Variants in DRC11 observed in about 807,000 individuals in gnomAD.
DRC11 encodes dynein regulatory complex subunit 11, also known as IQ and AAA domain-containing protein 1.
the DRC11 span, among the ~76,000 whole-genome samples, chr2:236,390,855 C>T: frequency 6.6e-6 from 1 of 152,162 alleles, no homozygotes; most frequent in East Asian, 1.9e-4. The surrounding 1 kb of genome is among the most constrained non-coding windows in gnomAD (Gnocchi z 5.9). Flanking sequence ...TACTGGGTTT[C>T]ACTGGCCTGG....
chr2:236,434,497 G>A, the DRC11 span, among the ~76,000 whole-genome samples: 5 of 152,130 alleles, frequency 3.3e-5, no homozygotes, highest in African/African-American at 9.7e-5. This position sits in a 1 kb window ranked among gnomAD's most constrained non-coding sequence, Gnocchi z 5.5. Context: ...TTACCTCAGT[G>A]CAGGGAGGTA....
the DRC11 span, among the ~76,000 whole-genome samples, chr2:236,366,479 T>C: frequency 6.6e-6 from 1 of 152,190 alleles, no homozygotes. Flanking sequence ...GCCTAACGTT[T>C]CTATGCATTC....
the DRC11 span, among the ~76,000 whole-genome samples, chr2:236,429,862 A>AG: frequency 6.6e-6 from 1 of 152,118 alleles, no homozygotes; most frequent in Non-Finnish European, 1.5e-5. The surrounding 1 kb of genome is among the most constrained non-coding windows in gnomAD (Gnocchi z 5.9). Context: ...TGAAAGCTGA[A>AG]GGGGGTCCCC....
chr2:236,350,192 C>T, the DRC11 span, among the ~76,000 whole-genome samples: 5 of 152,192 alleles, frequency 3.3e-5, no homozygotes, highest in African/African-American at 9.7e-5. This position sits in a 1 kb window ranked among gnomAD's most constrained non-coding sequence, Gnocchi z 5.2. Flanking sequence ...GTTTTGAAAA[C>T]GGCGGCTCCA....
At chr2:236,461,541 A>C in the DRC11 span, among the ~76,000 whole-genome samples, 1 of 152,326 alleles carries the variant, frequency 6.6e-6, no homozygotes, top group African/African-American at 2.4e-5. The surrounding 1 kb of genome is among the most constrained non-coding windows in gnomAD (Gnocchi z 4.0). Flanking sequence ...TTATTCATGA[A>C]ATTTATATAC....
the DRC11 span, among the ~76,000 whole-genome samples, chr2:236,318,165 G>C: frequency 6.6e-6 from 1 of 150,936 alleles, no homozygotes; most frequent in Non-Finnish European, 1.5e-5. This position sits in a 1 kb window ranked among gnomAD's most constrained non-coding sequence, Gnocchi z 7.0. Context: ...GCTGGGAGCT[G>C]GGTGTCTGCG....
chr2:236,371,051 C>T, the DRC11 span, among the ~76,000 whole-genome samples: 4 of 152,184 alleles, frequency 2.6e-5, no homozygotes, highest in Non-Finnish European at 4.4e-5. This position sits in a 1 kb window ranked among gnomAD's most constrained non-coding sequence, Gnocchi z 5.1. Context: ...CGGCTGAGCA[C>T]GCTGGATCTG....
chr2:236,488,892 C>T, the DRC11 span, among the ~76,000 whole-genome samples: 1 of 152,090 alleles, frequency 6.6e-6, no homozygotes, highest in Admixed American at 6.6e-5. Flanking sequence ...ACAAAGGGCT[C>T]CGGGTGCATG....
chr2:236,309,573 G>C, the DRC11 span, among the ~76,000 whole-genome samples: 1 of 152,160 alleles, frequency 6.6e-6, no homozygotes, highest in East Asian at 1.9e-4. This position sits in a 1 kb window ranked among gnomAD's most constrained non-coding sequence, Gnocchi z 5.7. Flanking sequence ...TTACTTACTG[G>C]AAATGGCGAA....
At chr2:236,335,918 C>T in the DRC11 span, among the ~76,000 whole-genome samples, 17 of 151,138 alleles carry the variant, frequency 1.1e-4, no homozygotes, top group Admixed American at 3.3e-4. The surrounding 1 kb of genome is among the most constrained non-coding windows in gnomAD (Gnocchi z 5.6). Flanking sequence ...GCGCTGCCCC[C>T]TTCATCCATG....
chr2:236,326,776 T>C, the DRC11 span, among the ~76,000 whole-genome samples: 2 of 151,424 alleles, frequency 1.3e-5, no homozygotes, highest in African/African-American at 2.4e-5. Context: ...TTTTGGAATT[T>C]TGATTTTCAG....
chr2:236,430,570 C>A, the DRC11 span, among the ~76,000 whole-genome samples: 1 of 152,130 alleles, frequency 6.6e-6, no homozygotes, highest in African/African-American at 2.4e-5. This position sits in a 1 kb window ranked among gnomAD's most constrained non-coding sequence, Gnocchi z 6.0. Flanking sequence ...TTGGCCATTC[C>A]CCTACCAAAT....
At chr2:236,463,832 C>T in the DRC11 span, among the ~76,000 whole-genome samples, 1 of 152,330 alleles carries the variant, frequency 6.6e-6, no homozygotes, top group African/African-American at 2.4e-5. This position sits in a 1 kb window ranked among gnomAD's most constrained non-coding sequence, Gnocchi z 5.0. Flanking sequence ...TTCAAGGTCT[C>T]TCACAAGGCT....
the DRC11 span, among the ~76,000 whole-genome samples, chr2:236,309,208 T>C: frequency 6.6e-6 from 1 of 152,120 alleles, no homozygotes; most frequent in Non-Finnish European, 1.5e-5. The surrounding 1 kb of genome is among the most constrained non-coding windows in gnomAD (Gnocchi z 5.7). Context: ...CTCCCCGAGG[T>C]TGTGCTGTGC....
the DRC11 span, chr2:236,338,363 T>C: frequency 6.2e-7 from 1 of 1,613,724 alleles, no homozygotes; most frequent in East Asian, 2.2e-5. Flanking sequence ...AAGGTGTTTT[T>C]TCAGGCGTTT....
At chr2:236,414,014 A>C in the DRC11 span, among the ~76,000 whole-genome samples, 1 of 152,366 alleles carries the variant, frequency 6.6e-6, no homozygotes, top group Non-Finnish European at 1.5e-5. Flanking sequence ...CTTCTGTTAA[A>C]GTGCTTTCCA....
chr2:236,387,127 A>C, the DRC11 span, among the ~76,000 whole-genome samples: 22 of 151,860 alleles, frequency 1.4e-4, no homozygotes, highest in South Asian at 2.9e-3. Flanking sequence ...TGATGAAAAA[A>C]ATGTATATTC....
chr2:236,357,054 CTATTTATATATTCATATATTATATATCTA>C, the DRC11 span, among the ~76,000 whole-genome samples: 2 of 77,952 alleles, frequency 2.6e-5, no homozygotes, highest in African/African-American at 4.9e-5. Flanking sequence ...TATTATATAT[CTATTTATATATTCATATATTATATATCTA>C]TATATTTTAT....
At chr2:236,372,236 G>A in the DRC11 span, among the ~76,000 whole-genome samples, 1 of 152,028 alleles carries the variant, frequency 6.6e-6, no homozygotes, top group African/African-American at 2.4e-5. This position sits in a 1 kb window ranked among gnomAD's most constrained non-coding sequence, Gnocchi z 4.5. Flanking sequence ...TTTCACTAGT[G>A]GTATTTCCAT....
Sources: allele counts gnomAD v4.1 joint callset (sites outside exome capture counted in the v4.1 genomes callset), GRCh38; gene constraint gnomAD v4.1.1; non-coding constraint Gnocchi (gnomAD v3.1); transcripts MANE v1.5; gene names NCBI Gene and HGNC (gene_info 2026-07-23, HGNC 2026-07-21).